The following FSTL4 variants were observed in gnomAD, a reference collection of about 807,000 sequenced individuals.
FSTL4 encodes the protein follistatin like 4, also known as follistatin-related protein 4.
In FSTL4, 28 loss-of-function variants were observed where a neutral mutation model predicts 78.2. The ratio of observed to expected loss-of-function variants is 0.36; its 90% CI spans 0.27 to 0.49. The LOEUF (loss-of-function observed/expected upper bound fraction) is 0.49, where lower values mean the gene tolerates loss of function less well. FSTL4 is among the 20% of genes least tolerant of loss of function. FSTL4 has a pLI of 0.98. For missense variants in FSTL4, 922 were observed against 1,084.9 expected (o/e 0.85, Z 2.11); for synonymous variants, 422 against 440.5 (o/e 0.96, Z 0.53).
intron 3 of FSTL4, among the ~76,000 whole-genome samples, chr5:133,561,684 G>A (rs986329576): frequency 6.6e-6 from 1 of 152,172 alleles, no homozygotes; most frequent in Non-Finnish European, 1.5e-5. Flanking sequence ...TCAGGCTTCA[G>A]CCAGCACAAG....
At chr5:133,409,562 G>A (rs1358013196) in intron 3 of FSTL4, among the ~76,000 whole-genome samples, 5 of 152,328 alleles carry the variant, frequency 3.3e-5, no homozygotes, top group South Asian at 2.1e-4. Context: ...TTCCTTAGAC[G>A]GAACAGCAGG....
At chr5:133,697,085 A>C in the FSTL4 span, among the ~76,000 whole-genome samples, 1 of 152,176 alleles carries the variant, frequency 6.6e-6, no homozygotes, top group East Asian at 1.9e-4. Context: ...CACCATGGCA[A>C]CTGTGGGCAC....
chr5:133,239,615 G>A (rs978950860), intron 7 of FSTL4, among the ~76,000 whole-genome samples: 1 of 152,060 alleles, frequency 6.6e-6, no homozygotes, highest in African/African-American at 2.4e-5. Context: ...GAACCTTTAT[G>A]TCTAGCTAAG....
At chr5:133,789,177 T>G in the FSTL4 span, among the ~76,000 whole-genome samples, 12 of 152,110 alleles carry the variant, frequency 7.9e-5, no homozygotes, top group South Asian at 2.5e-3. Flanking sequence ...GAGTGGGAGG[T>G]GGCCAGGGTG....
chr5:133,412,595 G>C (rs1269986502), intron 3 of FSTL4, among the ~76,000 whole-genome samples: 1 of 152,126 alleles, frequency 6.6e-6, no homozygotes, highest in Non-Finnish European at 1.5e-5. Context: ...GATGGCTTAA[G>C]CATTATCGTA....
Position 133,440,145 on chromosome 5 carries a change from C to T in FSTL4, c.161-39159G>A, listed in dbSNP as rs1023869235. Among the ~76,000 whole-genome samples, 3 of 152,114 alleles carry T rather than the reference C, an allele frequency of 2.0e-5. No individual in the cohort carries two copies. The highest frequency in any genetic ancestry group is 4.4e-5 in the Non-Finnish European group (3 of 68,008). The stretch of plus-strand genomic sequence containing the variant: ...GGCAGGTCCAGCTGGGCGAGTAGTA[C>T]AGGAGAGAGCTCTGGAACCCGGGGC... On this transcript the variant is annotated intron_variant, in intron 3 of 15. Coordinates refer to ENST00000265342, the MANE Select transcript of FSTL4 (RefSeq NM_015082.2). This position sits in a 1 kb window ranked among gnomAD's most constrained non-coding sequence, Gnocchi z 4.1.
At chr5:133,561,750 T>C (rs993313817) in intron 3 of FSTL4, among the ~76,000 whole-genome samples, 5 of 152,194 alleles carry the variant, frequency 3.3e-5, no homozygotes, top group African/African-American at 1.2e-4. Flanking sequence ...ACTATCCGCA[T>C]CCTTTTTCAG....
intron 6 of FSTL4, among the ~76,000 whole-genome samples, chr5:133,294,445 G>C (rs544209865): frequency 6.6e-6 from 1 of 152,160 alleles, no homozygotes; most frequent in Non-Finnish European, 1.5e-5. Flanking sequence ...GGAAACCCCC[G>C]TGCATGCTCC....
At chr5:133,329,291 G>A (rs1241977762) in intron 4 of FSTL4, among the ~76,000 whole-genome samples, 1 of 152,106 alleles carries the variant, frequency 6.6e-6, no homozygotes, top group Non-Finnish European at 1.5e-5. Flanking sequence ...TGGGGCCAGG[G>A]GTCCTAGCGA....
In FSTL4 at chr5:133,400,930, C is replaced by G. The variant is rs918380273; in HGVS notation, c.217G>C (p.Gly73Arg). The G allele has an allele frequency of 6.2e-7, 1 of 1,613,482 alleles. No individual in the cohort carries two copies. The highest frequency in any genetic ancestry group is 1.7e-4 in the Middle Eastern group (1 of 6,060). The change falls in exon 4 of 16, where the codon GGG (glycine) becomes CGG (arginine). Residue 73 changes from glycine to arginine, a missense_variant. Coordinates refer to ENST00000265342, the MANE Select transcript of FSTL4 (RefSeq NM_015082.2). ...TTCCTGCTGAGCACGCACCGGCTCC[C>G]TCGGCTGCAGAACTTCTTCCCGCAG... ...ASCGKKFCSRGSRCVLSRKTG... is the reference protein window; with the variant it reads ...ASCGKKFCSRRSRCVLSRKTG...
chr5:133,250,035 T>C (rs184936652), intron 6 of FSTL4, among the ~76,000 whole-genome samples: 40 of 152,340 alleles, frequency 2.6e-4, no homozygotes, highest in Middle Eastern at 6.8e-3. Context: ...GTTTTAAAGG[T>C]TGCGCTGTCT....
the FSTL4 span, among the ~76,000 whole-genome samples, chr5:133,839,651 T>C: frequency 3.9e-5 from 6 of 152,214 alleles, no homozygotes; most frequent in Non-Finnish European, 8.8e-5. Flanking sequence ...CTTGCGGGAC[T>C]GTGGAGCTAA....
At chr5:133,726,229 G>A in the FSTL4 span, among the ~76,000 whole-genome samples, 3 of 152,254 alleles carry the variant, frequency 2.0e-5, no homozygotes, top group Admixed American at 1.3e-4. Flanking sequence ...GCTAAAAAGT[G>A]GTTGCATGAC....
At chr5:133,788,916 G>C in the FSTL4 span, among the ~76,000 whole-genome samples, 1 of 152,120 alleles carries the variant, frequency 6.6e-6, no homozygotes, top group Non-Finnish European at 1.5e-5. Context: ...GGTGTTCTCA[G>C]GAAGGAGAAG....
intron 6 of FSTL4, among the ~76,000 whole-genome samples, chr5:133,286,689 G>A (rs1283415882): frequency 6.6e-6 from 1 of 152,178 alleles, no homozygotes; most frequent in African/African-American, 2.4e-5. Context: ...GACTTAGGGA[G>A]GGCTTCCTGG....
chr5:133,700,857 T>G, the FSTL4 span, among the ~76,000 whole-genome samples: 4 of 152,216 alleles, frequency 2.6e-5, no homozygotes, highest in Non-Finnish European at 5.9e-5. Context: ...AAAGAAGTTA[T>G]TCCCGGCCTT....
chr5:133,670,275 A>G, the FSTL4 span, among the ~76,000 whole-genome samples: 2 of 152,246 alleles, frequency 1.3e-5, no homozygotes, highest in Non-Finnish European at 2.9e-5. Flanking sequence ...AAAGAAACTG[A>G]GTCTGTTCAA....
intron 3 of FSTL4, among the ~76,000 whole-genome samples, chr5:133,500,076 G>T (rs1261588863): frequency 1.3e-5 from 2 of 152,148 alleles, no homozygotes; most frequent in African/African-American, 4.8e-5. Flanking sequence ...TGCTACAGGA[G>T]TAGAGCAGGA....
rs1463105155 is a variant in FSTL4, at chr5:133,199,258, C to T, written c.2366G>A (p.Gly789Glu). The change falls in exon 16 of 16, where the codon GGG becomes GAG. Residue 789 changes from glycine to glutamate, a missense_variant. Gly to Glu is a moderately conservative substitution (Grantham distance 98). Coordinates refer to ENST00000265342, the MANE Select transcript of FSTL4 (RefSeq NM_015082.2). The surrounding 1 kb of genome is among the most constrained non-coding windows in gnomAD (Gnocchi z 4.4). ...EPPAGPAQPW[G>E]GTHRIMRDSG... ...GTCCCTCATGATTCTGTGGGTACCC[C>T]CCCAGGGCTGAGCTGGCCCTGCGGG... is the stretch of plus-strand genomic sequence containing the variant. The T allele has an allele frequency of 1.2e-6, 2 of 1,613,914 alleles. No homozygotes were observed. The highest frequency in any genetic ancestry group is 8.5e-7 in the Non-Finnish European group (1 of 1,179,806).
Sources: allele counts gnomAD v4.1 joint callset (sites outside exome capture counted in the v4.1 genomes callset), GRCh38; gene constraint gnomAD v4.1.1; non-coding constraint Gnocchi (gnomAD v3.1); transcripts MANE v1.5; gene names NCBI Gene and HGNC (gene_info 2026-07-23, HGNC 2026-07-21).